The following NCALD variants were observed in gnomAD, a reference collection of about 807,000 sequenced individuals.
The protein encoded by NCALD is neurocalcin-delta.
A neutral mutation model predicts 18.6 loss-of-function variants in NCALD; 10 were observed. That is an observed-to-expected ratio of 0.54 (90% CI 0.33 to 0.91). The LOEUF is 0.91. Ranked by LOEUF, NCALD falls within the 40% of genes least tolerant of loss-of-function variation. The probability of loss-of-function intolerance (pLI) is 0.03; values close to 1 mark genes in which losing one functional copy is unlikely to be tolerated. For synonymous variants in NCALD, 88 were observed against 87.4 expected, an observed-to-expected ratio of 1.01 and a Z score of -0.04; for missense variants, 184 against 247.6, an observed-to-expected ratio of 0.74 and a Z score of 1.72.
intron 1 of NCALD, among the ~76,000 whole-genome samples, chr8:102,022,994 C>T (rs1025283270): frequency 7.2e-5 from 11 of 152,292 alleles, no homozygotes; most frequent in African/African-American, 2.6e-4. Context: ...ACCCTCCCTT[C>T]AGTGGCAACC....
intron 2 of NCALD, among the ~76,000 whole-genome samples, chr8:101,949,273 G>A (rs1819296888): frequency 6.6e-6 from 1 of 152,086 alleles, no homozygotes; most frequent in Non-Finnish European, 1.5e-5. Context: ...ACTACCCAAG[G>A]TCATGCAGAA....
At chr8:101,880,275 C>T (rs1816431877) in intron 4 of NCALD, among the ~76,000 whole-genome samples, 1 of 152,178 alleles carries the variant, frequency 6.6e-6, no homozygotes, top group African/African-American at 2.4e-5. Context: ...GCCAGCAGCA[C>T]TGGCCAGCCG....
intron 2 of NCALD, among the ~76,000 whole-genome samples, chr8:101,948,993 C>G (rs1248070249): frequency 6.6e-6 from 1 of 152,178 alleles, no homozygotes; most frequent in Non-Finnish European, 1.5e-5. Flanking sequence ...CCATCAGGTG[C>G]TTCTTGTTAA....
intron 3 of NCALD, among the ~76,000 whole-genome samples, chr8:101,898,002 C>A (rs1297043250): frequency 6.6e-6 from 1 of 151,942 alleles, no homozygotes; most frequent in Non-Finnish European, 1.5e-5. Context: ...TCAGGGGCTT[C>A]CCCCTTTGCT....
At chr8:101,935,639 G>T (rs746989504) in intron 2 of NCALD, among the ~76,000 whole-genome samples, 8 of 152,146 alleles carry the variant, frequency 5.3e-5, no homozygotes, top group Non-Finnish European at 1.0e-4. Flanking sequence ...AAAGTCTTTG[G>T]TGGAGCAGTG....
At chr8:101,836,168 A>AGAC (rs1814405953) in intron 4 of NCALD, among the ~76,000 whole-genome samples, 1 of 152,146 alleles carries the variant, frequency 6.6e-6, no homozygotes, top group African/African-American at 2.4e-5. Flanking sequence ...AGATAAAGAC[A>AGAC]GACAGTGGAT....
intron 1 of NCALD, among the ~76,000 whole-genome samples, chr8:102,033,244 G>C (rs535858216): frequency 6.6e-6 from 1 of 152,254 alleles, no homozygotes; most frequent in Admixed American, 6.5e-5. Context: ...TCATCCAGAA[G>C]CAGCTAACCT....
At chr8:101,781,956 T>C (rs1241854574) in intron 1 of NCALD, among the ~76,000 whole-genome samples, 3 of 151,914 alleles carry the variant, frequency 2.0e-5, no homozygotes, top group Non-Finnish European at 4.4e-5. Context: ...TGTAATGCAA[T>C]GCACTCATAA....
rs1200069483 is a variant in NCALD, at chr8:101,757,419, G to C, written c.-20+33443C>G. Among the ~76,000 whole-genome samples, 4 of 152,166 alleles carry C rather than the reference G, an allele frequency of 2.6e-5. No individual in the cohort carries two copies. The East Asian group carries it at 7.7e-4, about 29-fold the overall frequency. On this transcript the variant is annotated intron_variant, in intron 1 of 3. Coordinates refer to ENST00000220931, the MANE Select transcript of NCALD (RefSeq NM_032041.3). ...CGGAACTTAAAACAGAGCATGTCCT[G>C]ACCTCTGAGGGCTGCAGAGACAACT...
At chr8:102,086,671 C>T (rs906354314) in intron 1 of NCALD, among the ~76,000 whole-genome samples, 13 of 152,292 alleles carry the variant, frequency 8.5e-5, no homozygotes, top group African/African-American at 3.1e-4. Context: ...TGCTCCCACA[C>T]CTCAACCCTG....
rs1816253026 is a variant in NCALD at position 101,719,562 on chromosome 8, G to C, written c.68C>G (p.Thr23Arg). Residue 23 changes from threonine to arginine, a missense_variant, in exon 2 of 4, where the codon ACA becomes AGA. Thr to Arg is a moderately conservative substitution (Grantham distance 71). Coordinates refer to ENST00000220931, the MANE Select transcript of NCALD (RefSeq NM_032041.3). Reference protein sequence around the residue: ...MQDLLESTDFTEHEIQEWYKG... With the variant: ...MQDLLESTDFREHEIQEWYKG... ...ATACCATTCCTGGATCTCATGCTCTGTAAAGTCTGTGCTTTCCAGCAAGTC... is the reference window on the plus strand; with the variant it reads ...ATACCATTCCTGGATCTCATGCTCTCTAAAGTCTGTGCTTTCCAGCAAGTC... 1.2e-6 allele frequency: 2 copies of C among 1,613,724 alleles called. No homozygotes were observed. The highest frequency in any genetic ancestry group is 1.7e-6 in the Non-Finnish European group (2 of 1,179,930).
intron 1 of NCALD, among the ~76,000 whole-genome samples, chr8:102,022,763 T>C (rs934725805): frequency 6.6e-6 from 1 of 152,152 alleles, no homozygotes; most frequent in African/African-American, 2.4e-5. Flanking sequence ...AAAACCATTC[T>C]TTTCTGCTGG....
chr8:101,990,276 G>A (rs1368619659), intron 2 of NCALD, among the ~76,000 whole-genome samples: 1 of 152,168 alleles, frequency 6.6e-6, no homozygotes, highest in East Asian at 1.9e-4. Context: ...GAGAAATTAT[G>A]GGCAAGACCT....
rs184341723 is a variant in NCALD, at chr8:101,992,905, G to A, written c.-157+27332C>T. Among the ~76,000 whole-genome samples the A allele has an allele frequency of 2.3e-3, 349 of 150,472 alleles. 4 individuals carry two copies. The highest frequency in any genetic ancestry group is 8.0e-3 in the African/African-American group (325 of 40,862). ...AGGATTTTTTTTTACTTAATCTTTC[G>A]AACAACCCTATAAAGTAGAAACTCT... On this transcript the variant is annotated intron_variant, in intron 2 of 6. Transcript: ENST00000311028.
intron 1 of NCALD, among the ~76,000 whole-genome samples, chr8:102,022,812 T>C (rs549802257): frequency 1.2e-4 from 18 of 152,260 alleles, no homozygotes; most frequent in African/African-American, 4.3e-4. Flanking sequence ...GTGTAGTCAT[T>C]GTGGTTCCCG....
chr8:101,937,970 T>C (rs1218996264), intron 2 of NCALD, among the ~76,000 whole-genome samples: 4 of 152,210 alleles, frequency 2.6e-5, no homozygotes, highest in East Asian at 3.8e-4. Context: ...CAGTTGTCCA[T>C]AGGTTACTAT....
chr8:101,762,821 C>T (rs192671780), intron 1 of NCALD, among the ~76,000 whole-genome samples: 1 of 152,314 alleles, frequency 6.6e-6, no homozygotes, highest in African/African-American at 2.4e-5. Context: ...ATCCACCCGC[C>T]TTGGCCTCCC....
At position 101,886,921 on chromosome 8, in the gene NCALD, A is replaced by ATT. The variant is rs149091263; in HGVS notation, c.-20+218_-20+219dup. Reference sequence around the variant, plus strand: ...ATCAGTCACCAGAAAAGAGAGCAGGATTTTTTTTTAATTAAAATGGGTGCA... The same window carrying ATT: ...ATCAGTCACCAGAAAAGAGAGCAGGATTTTTTTTTTTAATTAAAATGGGTGCA... On this transcript the variant is annotated intron_variant, in intron 4 of 6. Transcript: ENST00000311028. 2.8e-3 allele frequency among the ~76,000 whole-genome samples: 431 copies of ATT among 151,886 alleles called. 1 individual carries two copies. Among genetic ancestry groups the ATT allele is most frequent in the African/African-American group, 9.6e-3 (398 of 41,408 alleles).
At chr8:102,069,455 C>A (rs938935059) in intron 1 of NCALD, among the ~76,000 whole-genome samples, 3 of 152,116 alleles carry the variant, frequency 2.0e-5, no homozygotes, top group African/African-American at 7.2e-5. Flanking sequence ...TTTAGATTTT[C>A]TGCAGGAATG....
Sources: allele counts gnomAD v4.1 joint callset (sites outside exome capture counted in the v4.1 genomes callset), GRCh38; gene constraint gnomAD v4.1.1; transcripts MANE v1.5; gene names NCBI Gene and HGNC (gene_info 2026-07-23, HGNC 2026-07-21).